The following PRKD3 variants were observed in gnomAD, a reference collection of about 807,000 sequenced individuals.
PRKD3 encodes serine/threonine-protein kinase D3.
A neutral mutation model predicts 99.2 loss-of-function variants in PRKD3; 47 were observed. That is an observed-to-expected ratio of 0.47 (90% CI 0.38 to 0.60). The LOEUF is 0.60. PRKD3 is among the 20% of genes least tolerant of loss of function. The pLI, the probability that PRKD3 is intolerant of heterozygous loss-of-function variation, is 0.00. For synonymous variants in PRKD3, 392 were observed against 355.4 expected (o/e 1.10, Z -1.16); for missense variants, 1,019 against 1,088.4 (o/e 0.94, Z 0.90).
chr2:37,263,521 G>A (rs1435627479), intron 14 of PRKD3, among the ~76,000 whole-genome samples: 1 of 152,048 alleles, frequency 6.6e-6, no homozygotes, highest in Non-Finnish European at 1.5e-5. Flanking sequence ...GTGTTTGTCT[G>A]TTTCTCCTTG....
chr2:37,255,368 C>T (rs575500482), intron 17 of PRKD3, among the ~76,000 whole-genome samples: 1 of 152,138 alleles, frequency 6.6e-6, no homozygotes, highest in Non-Finnish European at 1.5e-5. Flanking sequence ...GGGGTATTCC[C>T]CAGCACTGGT....
intron 12 of PRKD3, among the ~76,000 whole-genome samples, chr2:37,270,337 C>T (rs1417118555): frequency 7.4e-6 from 1 of 134,818 alleles, no homozygotes; most frequent in Non-Finnish European, 1.5e-5. Context: ...GAGATTTGCT[C>T]TCATTGATTT....
chr2:37,287,134 G>A (rs1670135263), intron 5 of PRKD3, among the ~76,000 whole-genome samples: 1 of 149,552 alleles, frequency 6.7e-6, no homozygotes, highest in African/African-American at 2.5e-5. Context: ...GGAGGCTGAC[G>A]CAGAAGAATC....
intron 14 of PRKD3, among the ~76,000 whole-genome samples, chr2:37,262,848 T>G (rs1264811210): frequency 6.6e-6 from 1 of 152,202 alleles, no homozygotes; most frequent in Non-Finnish European, 1.5e-5. Flanking sequence ...TTTCTCCAAG[T>G]TTCCAAATTT....
rs1667480621 is a variant in PRKD3 at position 37,251,407 on chromosome 2, G to A, written c.*1770C>T. 6.6e-6 allele frequency: 1 copy of A among 152,438 alleles called. No individual in the cohort carries two copies. The highest frequency in any genetic ancestry group is 1.5e-5 in the Non-Finnish European group (1 of 68,000). 9.4% of individuals were successfully genotyped at this position (152,438 alleles called of 1,614,324 possible). A position where few individuals can be genotyped will look rare whatever the true frequency, so the allele number is the denominator to read the frequency against. ...TTTGGCAGTAAGTTAATCTCCCCTT[G>A]CCTCAGTTTTCTTATCTTTAAGATG... On this transcript the variant is annotated 3_prime_UTR_variant, in exon 19 of 19. Coordinates refer to ENST00000234179, the MANE Select transcript of PRKD3 (RefSeq NM_005813.6).
At chr2:37,267,768 T>G (rs968593814) in intron 13 of PRKD3, 1 of 435,086 alleles carries the variant, frequency 2.3e-6, no homozygotes, top group Admixed American at 4.1e-5. Flanking sequence ...AGGAGAAAAT[T>G]TGAATGAACT....
At chr2:37,305,891 C>A (rs1558574046) in intron 2 of PRKD3, among the ~76,000 whole-genome samples, 1 of 152,074 alleles carries the variant, frequency 6.6e-6, no homozygotes, top group Non-Finnish European at 1.5e-5. Context: ...AACCACCATT[C>A]TTCTATGGAG....
At position 37,324,715 on chromosome 2, in the gene PRKD3, C is replaced by A. The variant is rs923332650; in HGVS notation, c.-690G>T. 2 of 151,300 alleles carry A rather than the reference C, an allele frequency of 1.3e-5. No individual in the cohort carries two copies. The highest frequency in any genetic ancestry group is 4.8e-5 in the African/African-American group (2 of 41,358). The allele number at this position is 151,300 out of a possible 1,614,324, so 9.4% of individuals were successfully genotyped here. On this transcript the variant is annotated 5_prime_UTR_variant, in exon 1 of 19. Transcript: ENST00000234179. ...CTCGGCCCGTCGTGAGAAACTGCGC[C>A]CGCCAGCGTCTGAGTACCGGACGAG...
At chr2:37,310,717 G>A (rs1476522718) in intron 2 of PRKD3, among the ~76,000 whole-genome samples, 1 of 152,174 alleles carries the variant, frequency 6.6e-6, no homozygotes, top group African/African-American at 2.4e-5. Context: ...AAACTTGCTG[G>A]AGGTCTAAGC....
At chr2:37,263,267 T>C (rs1169469603) in intron 14 of PRKD3, among the ~76,000 whole-genome samples, 2 of 152,214 alleles carry the variant, frequency 1.3e-5, no homozygotes, top group African/African-American at 4.8e-5. Flanking sequence ...CGCTCTTTGA[T>C]TCAAAAATTA....
At chr2:37,317,777 G>C (rs1283249666) in intron 1 of PRKD3, 3 of 152,108 alleles carry the variant, frequency 2.0e-5, no homozygotes, top group African/African-American at 7.2e-5. Context: ...ATAAGAGAAA[G>C]GGATCTCACC....
intron 5 of PRKD3, among the ~76,000 whole-genome samples, chr2:37,286,778 A>G (rs1262246609): frequency 1.3e-5 from 2 of 152,234 alleles, no homozygotes; most frequent in Admixed American, 1.3e-4. Context: ...TTATCTTAAT[A>G]CTAAAATATA....
rs376463601 is a variant in PRKD3 at position 37,293,134 on chromosome 2, T to C, written c.426A>G (p.Ser142=). The change falls in exon 3 of 19, where the codon TCA becomes TCG. Residue 142 remains serine (S), a splice_region_variant and synonymous_variant. Coordinates refer to ENST00000234179, the MANE Select transcript of PRKD3 (RefSeq NM_005813.6). The part of the protein sequence containing the change: ...HEGDLVEVVL[S]ALATVEDFQI... Reference sequence around the variant, plus strand: ...CACTCTAAAAAGCCACTTACTTACCTGAAAGAACCACTTCCACTAGGTCTC... The same window carrying C: ...CACTCTAAAAAGCCACTTACTTACCCGAAAGAACCACTTCCACTAGGTCTC... The C allele has an allele frequency of 2.6e-6, 4 of 1,558,542 alleles. No homozygotes were observed. The highest frequency in any genetic ancestry group is 2.7e-5 in the African/African-American group (2 of 74,314).
chr2:37,286,440 A>G, intron 5 of PRKD3, 71 bp from the exon 6 acceptor site: 1 of 1,290,736 alleles, frequency 7.7e-7, no homozygotes. Context: ...GAGCTTAACC[A>G]CAAGAATCAT....
rs761534143 is a variant in PRKD3 at position 37,260,388 on chromosome 2, AAG to A, written c.1885-6_1885-5del. ...CAATCCCAGGATGGTGCAAATTCTGAAGAGAGGTTGCAAGATACATGAGCAAC... is the reference window on the plus strand; with the variant it reads ...CAATCCCAGGATGGTGCAAATTCTGAAGAGGTTGCAAGATACATGAGCAAC... On this transcript the variant is annotated splice_region_variant and splice_polypyrimidine_tract_variant and intron_variant, in intron 14 of 18. Coordinates refer to ENST00000234179, the MANE Select transcript of PRKD3 (RefSeq NM_005813.6). The A allele has an allele frequency of 6.2e-6, 10 of 1,608,278 alleles. No homozygotes were observed. The Admixed American group carries it at 1.5e-4, about 24-fold the overall frequency.
chr2:37,315,546 G>T (rs1671620719), intron 2 of PRKD3, among the ~76,000 whole-genome samples: 2 of 152,158 alleles, frequency 1.3e-5, no homozygotes, highest in Admixed American at 6.5e-5. Flanking sequence ...AGATAACAAG[G>T]TATGGAGATG....
intron 16 of PRKD3, among the ~76,000 whole-genome samples, chr2:37,257,301 T>C (rs1668029301): frequency 2.0e-5 from 3 of 152,188 alleles, no homozygotes; most frequent in Admixed American, 2.0e-4. Context: ...AATTGTTTCA[T>C]TTCTGAATCC....
Position 37,304,133 on chromosome 2 carries a change from AG to A in PRKD3, c.289-10863del, listed in dbSNP as rs372080649. ...ATAGTAAACAAGCTCCATGAGGAAAAGAATATTCTCTTTTCATGTTCCTCCT... is the reference window on the plus strand; with the variant it reads ...ATAGTAAACAAGCTCCATGAGGAAAAAATATTCTCTTTTCATGTTCCTCCT... On this transcript the variant is annotated intron_variant, in intron 2 of 18. Transcript: ENST00000234179. 1.2e-4 allele frequency among the ~76,000 whole-genome samples: 19 copies of A among 152,042 alleles called. No individual in the cohort carries two copies. In the East Asian group the frequency reaches 2.9e-3, roughly 23 times the overall value.
intron 2 of PRKD3, among the ~76,000 whole-genome samples, chr2:37,293,999 A>AT (rs1229835309): frequency 3.3e-5 from 5 of 152,332 alleles, no homozygotes; most frequent in East Asian, 3.9e-4. Flanking sequence ...CTTGGATCTT[A>AT]TGGGATGTGT....
Sources: gnomAD v4.1 joint callset for allele counts (sites outside exome capture counted in the v4.1 genomes callset) on GRCh38, gnomAD v4.1.1 for gene constraint, MANE v1.5 for transcripts, NCBI Gene and HGNC (gene_info 2026-07-23, HGNC 2026-07-21) for gene names.